CYP20A1: variants seen among roughly 807,000 people sequenced by gnomAD.
CYP20A1 encodes the protein cytochrome P450 family 20 subfamily A member 1, also known as cytochrome P450 20A1.
CYP20A1 carries 61 observed loss-of-function variants against 61.4 expected under a neutral mutation model. The observed-to-expected ratio is 0.99, with a 90% CI of 0.81 to 1.23. The LOEUF is 1.23. Ranked by LOEUF, CYP20A1 falls within the 50% of genes most tolerant of loss-of-function variation. The probability of loss-of-function intolerance (pLI) is 0.00; values close to 1 mark genes in which losing one functional copy is unlikely to be tolerated. For missense variants in CYP20A1, 530 were observed against 542.4 expected, an observed-to-expected ratio of 0.98 and a Z score of 0.23; for synonymous variants, 193 against 188.2, an observed-to-expected ratio of 1.03 and a Z score of -0.21.
chr2:203,296,301 A>G lies in CYP20A1; in HGVS notation c.1149-173A>G, dbSNP rs1021344763. 2.6e-5 allele frequency among the ~76,000 whole-genome samples: 4 copies of G among 152,228 alleles called. No individual in the cohort carries two copies. The South Asian group carries it at 8.3e-4, about 31-fold the overall frequency. ...ATAGTAAGAAACAGCAATAGACTAA[A>G]TATATGTTAAATAATTTGGGAACAT... On this transcript the variant is annotated intron_variant, in intron 11 of 12. Coordinates refer to ENST00000356079, the MANE Select transcript of CYP20A1 (RefSeq NM_177538.3).
At chr2:203,281,659 A>G (rs1187146088) in intron 8 of CYP20A1, among the ~76,000 whole-genome samples, 1 of 151,958 alleles carries the variant, frequency 6.6e-6, no homozygotes, top group Non-Finnish European at 1.5e-5. Flanking sequence ...AAATTAGCCA[A>G]GTGTGGGGGC....
intron 4 of CYP20A1, among the ~76,000 whole-genome samples, chr2:203,261,378 C>T (rs1187404636): frequency 6.6e-6 from 1 of 151,350 alleles, no homozygotes; most frequent in East Asian, 2.0e-4. Context: ...GGCAAAATGG[C>T]AAGACCCTGT....
At chr2:203,261,423 T>C (rs922278980) in intron 4 of CYP20A1, among the ~76,000 whole-genome samples, 4 of 149,132 alleles carry the variant, frequency 2.7e-5, no homozygotes, top group Non-Finnish European at 1.5e-5. Context: ...ATATATTAGC[T>C]GGGTATGGTA....
chr2:203,305,090 G>A lies in CYP20A1; in HGVS notation c.*8182G>A, dbSNP rs2069165616. 6.6e-6 allele frequency among the ~76,000 whole-genome samples: 1 copy of A among 151,434 alleles called. No homozygotes were observed. The highest frequency in any genetic ancestry group is 2.4e-5 in the African/African-American group (1 of 41,202). ...CACTAAATGGATAATTGTAAAGTTTGAGTTGGGACCCATTTTTTAAGACAT... is the reference window on the plus strand; with the variant it reads ...CACTAAATGGATAATTGTAAAGTTTAAGTTGGGACCCATTTTTTAAGACAT... On this transcript the variant is annotated 3_prime_UTR_variant, in exon 13 of 13. Transcript: ENST00000356079.
At chr2:203,274,417 C>T (rs2067730275) in intron 6 of CYP20A1, among the ~76,000 whole-genome samples, 1 of 152,076 alleles carries the variant, frequency 6.6e-6, no homozygotes, top group East Asian at 1.9e-4. Flanking sequence ...AACTCCTGAC[C>T]TTGGGTGATC....
chr2:203,282,765 T>G (rs1336876626), intron 8 of CYP20A1, among the ~76,000 whole-genome samples: 2 of 152,136 alleles, frequency 1.3e-5, no homozygotes, highest in Admixed American at 1.3e-4. Flanking sequence ...CTGCCCCTTA[T>G]TAGCCTTGGG....
chr2:203,239,219 G>C, intron 1 of CYP20A1, 85 bp downstream of exon 1: 1 of 1,160,322 alleles, frequency 8.6e-7, no homozygotes, highest in Non-Finnish European at 1.3e-6. Flanking sequence ...GCCCGCTGCG[G>C]GCCGCAGGGG....
Position 203,285,661 on chromosome 2 carries a change from A to G in CYP20A1, c.900A>G (p.Lys300=). ...CFLTTSEEVQ[K]KLYEEINQVF... is the part of the protein sequence containing the mutation. ...TAACCACCTCTGAAGAAGTTCAAAA[A>G]AAATTATATGAAGAGATAAACCAAG... The change falls in exon 9 of 13, where the codon AAA becomes AAG. Residue 300 remains lysine, a synonymous_variant. Transcript: ENST00000356079. 6.2e-7 allele frequency: 1 copy of G among 1,606,740 alleles called. No homozygotes were observed. Among genetic ancestry groups the G allele is most frequent in the Non-Finnish European group, 8.5e-7 (1 of 1,178,422 alleles).
At position 203,305,934 on chromosome 2, in the gene CYP20A1, G is replaced by A. The variant is rs1394962130; in HGVS notation, c.*9026G>A. Among the ~76,000 whole-genome samples, 1 of 152,210 alleles carries A rather than the reference G, an allele frequency of 6.6e-6. No individual in the cohort carries two copies. Among genetic ancestry groups the A allele is most frequent in the Non-Finnish European group, 1.5e-5 (1 of 68,046 alleles). ...CATTAATAGAAGTGTTTAAGAGGATGTTGTATGCCTGCCTTCCACTCATGC... is the reference window on the plus strand; with the variant it reads ...CATTAATAGAAGTGTTTAAGAGGATATTGTATGCCTGCCTTCCACTCATGC... On this transcript the variant is annotated 3_prime_UTR_variant, in exon 13 of 13. Transcript: ENST00000356079.
At chr2:203,282,117 A>T (rs958453925) in intron 8 of CYP20A1, among the ~76,000 whole-genome samples, 3 of 145,172 alleles carry the variant, frequency 2.1e-5, no homozygotes, top group Non-Finnish European at 4.5e-5. Flanking sequence ...AGGTCACTGC[A>T]ACCTCCACCT....
At chr2:203,271,331 G>A (rs796073319) in intron 5 of CYP20A1, among the ~76,000 whole-genome samples, 39 of 151,416 alleles carry the variant, frequency 2.6e-4, no homozygotes, top group African/African-American at 6.8e-4. Flanking sequence ...CTCGTGATCC[G>A]CCTGCCTCGG....
At chr2:203,242,710 G>C (rs2066297514) in intron 1 of CYP20A1, among the ~76,000 whole-genome samples, 1 of 152,006 alleles carries the variant, frequency 6.6e-6, no homozygotes, top group Non-Finnish European at 1.5e-5. Flanking sequence ...AGGATCGCTT[G>C]AGCCTGGGAG....
At chr2:203,280,669 C>T (rs182581110) in intron 8 of CYP20A1, among the ~76,000 whole-genome samples, 7 of 152,326 alleles carry the variant, frequency 4.6e-5, no homozygotes, top group Admixed American at 2.0e-4. Flanking sequence ...CTATTGCATT[C>T]CAGCCTGGGC....
chr2:203,284,193 CT>C (rs575552272), intron 8 of CYP20A1, among the ~76,000 whole-genome samples: 1 of 152,024 alleles, frequency 6.6e-6, no homozygotes, highest in Admixed American at 6.6e-5. Context: ...ATCAGGCAAA[CT>C]TTTTTTTATA....
intron 1 of CYP20A1, among the ~76,000 whole-genome samples, chr2:203,239,655 C>T (rs2066177443): frequency 6.6e-6 from 1 of 152,102 alleles, no homozygotes; most frequent in African/African-American, 2.4e-5. Context: ...GGTCTTGCTC[C>T]TCTTAGGGGC....
In CYP20A1 at chr2:203,257,336, T is replaced by C. The variant is rs1011876049; in HGVS notation, c.432+5227T>C. ...CTGTCTCAAAAAAAAAAAAAAAAAT[T>C]CCATTTGGTCAGTTTGGGTTTATTT... On this transcript the variant is annotated intron_variant, in intron 4 of 12. Coordinates refer to ENST00000356079, the MANE Select transcript of CYP20A1 (RefSeq NM_177538.3). Among the ~76,000 whole-genome samples, 3 of 151,586 alleles carry C rather than the reference T, an allele frequency of 2.0e-5. No homozygotes were observed. In the South Asian group the frequency reaches 6.2e-4, roughly 31 times the overall value.
intron 4 of CYP20A1, among the ~76,000 whole-genome samples, chr2:203,252,960 G>A (rs1297546080): frequency 3.3e-5 from 5 of 151,942 alleles, no homozygotes; most frequent in South Asian, 2.1e-4. Context: ...TTGGGGTGGC[G>A]AGCCATTTTC....
chr2:203,247,337 T>C (rs1260162796), intron 3 of CYP20A1, among the ~76,000 whole-genome samples: 3 of 152,170 alleles, frequency 2.0e-5, no homozygotes, highest in African/African-American at 7.2e-5. Flanking sequence ...TAGCCAACAT[T>C]TATTGAATGC....
intron 4 of CYP20A1, among the ~76,000 whole-genome samples, chr2:203,262,328 G>C (rs950097110): frequency 3.3e-5 from 5 of 152,130 alleles, no homozygotes; most frequent in African/African-American, 1.2e-4. Flanking sequence ...AAAGTGCTGG[G>C]ATTACAGATG....
Sources: allele counts gnomAD v4.1 joint callset (sites outside exome capture counted in the v4.1 genomes callset), GRCh38; gene constraint gnomAD v4.1.1; transcripts MANE v1.5; gene names NCBI Gene and HGNC (gene_info 2026-07-23, HGNC 2026-07-21).